Variants in RGPD2 observed in about 807,000 individuals in gnomAD.
The protein encoded by RGPD2 is RANBP2-like and GRIP domain-containing protein 2.
A neutral mutation model predicts 36.0 loss-of-function variants in RGPD2; 2 were observed. That is an observed-to-expected ratio of 0.06 (90% CI 0.02 to 0.17). The LOEUF (loss-of-function observed/expected upper bound fraction) is 0.17. Among genes scored for constraint, RGPD2 ranks in the 10% least tolerant of loss-of-function variants. The pLI, the probability that RGPD2 is intolerant of heterozygous loss-of-function variation, is 1.00. For missense variants in RGPD2, 40 were observed against 464.3 expected (o/e 0.09, Z 8.40); for synonymous variants, 19 against 163.8 (o/e 0.12, Z 6.75).
the RGPD2 span, among the ~76,000 whole-genome samples, chr2:87,984,929 C>CAAA: frequency 2.9e-5 from 2 of 68,670 alleles, no homozygotes; most frequent in Non-Finnish European, 5.4e-5. Flanking sequence ...CATTCTGTCT[C>CAAA]AAAAAAAAAA....
chr2:87,822,095 A>G (rs866937439), intron 1 of RGPD2, among the ~76,000 whole-genome samples: 2,057 of 152,266 alleles, frequency 0.014, 20 homozygotes, highest in African/African-American at 0.042. Flanking sequence ...GATCAGCTCC[A>G]AATCTGTGGA....
the RGPD2 span, chr2:87,986,061 G>A: frequency 5.4e-5 from 33 of 606,020 alleles, no homozygotes; most frequent in Admixed American, 1.3e-4. Flanking sequence ...TGAGATGCAA[G>A]CATTACCTAA....
the RGPD2 span, among the ~76,000 whole-genome samples, chr2:87,881,048 T>G: frequency 1.3e-5 from 2 of 150,658 alleles, no homozygotes; most frequent in African/African-American, 4.9e-5. Flanking sequence ...TAATCTCCGT[T>G]GAATACATGT....
chr2:87,849,020 C>T, the RGPD2 span, among the ~76,000 whole-genome samples: 4 of 151,896 alleles, frequency 2.6e-5, no homozygotes, highest in Non-Finnish European at 2.9e-5. Flanking sequence ...AGAAAATTGA[C>T]GTTTGAGTTA....
the RGPD2 span, among the ~76,000 whole-genome samples, chr2:87,914,851 A>G: frequency 2.6e-5 from 4 of 152,010 alleles, no homozygotes; most frequent in East Asian, 3.8e-4. Flanking sequence ...CACCCAGAGA[A>G]GTCCTGGGAA....
intron 1 of RGPD2, among the ~76,000 whole-genome samples, chr2:87,825,419 C>G (rs1362730943): frequency 8.9e-6 from 1 of 112,642 alleles, no homozygotes; most frequent in Admixed American, 8.5e-5. Flanking sequence ...AGGCCGAGGC[C>G]GCCGCCGCCG....
the RGPD2 span, among the ~76,000 whole-genome samples, chr2:87,932,641 T>C: frequency 6.6e-6 from 1 of 150,534 alleles, no homozygotes; most frequent in Non-Finnish European, 1.5e-5. Flanking sequence ...TGTAAGGCAG[T>C]TCTGGTGGTA....
chr2:87,922,077 A>T, the RGPD2 span, among the ~76,000 whole-genome samples: 4 of 151,730 alleles, frequency 2.6e-5, no homozygotes, highest in African/African-American at 9.7e-5. Context: ...GCGGATCACA[A>T]GGTCAGTAGT....
At chr2:87,836,110 T>C in the RGPD2 span, among the ~76,000 whole-genome samples, 1 of 152,188 alleles carries the variant, frequency 6.6e-6, no homozygotes, top group African/African-American at 2.4e-5. Flanking sequence ...AACATTCATA[T>C]CCAGGAAACT....
chr2:87,840,636 G>GC, the RGPD2 span, among the ~76,000 whole-genome samples: 1 of 151,392 alleles, frequency 6.6e-6, no homozygotes, highest in Non-Finnish European at 1.5e-5. Context: ...TAAGATAAAG[G>GC]AGACCAGTAT....
the RGPD2 span, among the ~76,000 whole-genome samples, chr2:87,939,235 A>C: frequency 6.6e-6 from 1 of 151,836 alleles, no homozygotes; most frequent in Non-Finnish European, 1.5e-5. Flanking sequence ...TTATAACTCC[A>C]ATAAGAGCAA....
At chr2:87,881,381 G>A in the RGPD2 span, among the ~76,000 whole-genome samples, 9 of 152,400 alleles carry the variant, frequency 5.9e-5, no homozygotes, top group South Asian at 1.9e-3. Flanking sequence ...TCTGTCAGAT[G>A]TTCTCTGTGA....
intron 22 of RGPD2, among the ~76,000 whole-genome samples, chr2:87,761,000 T>A (rs940645955): frequency 7.3e-6 from 1 of 136,302 alleles, no homozygotes; most frequent in Non-Finnish European, 1.6e-5. Context: ...TTGACTCTTG[T>A]TCTGTTTTTT....
chr2:87,825,145 C>T, intron 1 of RGPD2: 3 of 391,386 alleles, frequency 7.7e-6, no homozygotes, highest in Non-Finnish European at 1.4e-5. Context: ...CCCCACAATC[C>T]TAGGTCTGCC....
chr2:87,877,620 G>A, the RGPD2 span, among the ~76,000 whole-genome samples: 298 of 152,270 alleles, frequency 2.0e-3, no homozygotes, highest in African/African-American at 6.0e-3. Flanking sequence ...TGGCTAACAC[G>A]GTGAAACCCT....
At chr2:87,972,217 T>C in the RGPD2 span, among the ~76,000 whole-genome samples, 3 of 149,490 alleles carry the variant, frequency 2.0e-5, no homozygotes, top group Non-Finnish European at 4.5e-5. Flanking sequence ...AGAAAGGATA[T>C]CCTATAAGGC....
chr2:87,938,359 C>A, the RGPD2 span, among the ~76,000 whole-genome samples: 1 of 150,526 alleles, frequency 6.6e-6, no homozygotes, highest in Admixed American at 6.6e-5. Context: ...ACAAAATGTC[C>A]CAAAATAAAT....
the RGPD2 span, among the ~76,000 whole-genome samples, chr2:87,866,235 G>A: frequency 1.3e-5 from 2 of 151,026 alleles, no homozygotes; most frequent in South Asian, 4.2e-4. Context: ...TTTTTTGTGT[G>A]TATTCACAGA....
the RGPD2 span, among the ~76,000 whole-genome samples, chr2:87,913,130 T>C: frequency 6.6e-6 from 1 of 152,260 alleles, no homozygotes; most frequent in Non-Finnish European, 1.5e-5. Flanking sequence ...CTTCATTTTC[T>C]TTCTACACAA....
Sources: gnomAD v4.1 joint callset for allele counts (sites outside exome capture counted in the v4.1 genomes callset) on GRCh38, gnomAD v4.1.1 for gene constraint, MANE v1.5 for transcripts, NCBI Gene and HGNC (gene_info 2026-07-23, HGNC 2026-07-21) for gene names.